The following UTRN variants were observed in gnomAD, a reference collection of about 807,000 sequenced individuals.
UTRN encodes utrophin.
A neutral mutation model predicts 463.9 loss-of-function variants in UTRN; 283 were observed. The ratio of observed to expected loss-of-function variants is 0.61; its 90% CI spans 0.55 to 0.67. UTRN has a LOEUF of 0.67. Among genes scored for constraint, UTRN ranks in the 30% least tolerant of loss-of-function variants. UTRN has a pLI of 0.00. For synonymous variants in UTRN, 1,442 were observed against 1,431.5 expected (o/e 1.01, Z -0.17); for missense variants, 3,922 against 4,084.3 (o/e 0.96, Z 1.08).
At chr6:144,377,099 G>T (rs1007358064) in intron 2 of UTRN, among the ~76,000 whole-genome samples, 6 of 152,138 alleles carry the variant, frequency 3.9e-5, no homozygotes, top group African/African-American at 1.4e-4. Flanking sequence ...GTGCAATGGT[G>T]TGATCTCAGC....
At chr6:144,526,219 T>G (rs1455166398) in intron 41 of UTRN, among the ~76,000 whole-genome samples, 4 of 152,236 alleles carry the variant, frequency 2.6e-5, no homozygotes, top group Non-Finnish European at 5.9e-5. Flanking sequence ...GGGTATAGTT[T>G]AATTCCATTG....
intron 53 of UTRN, among the ~76,000 whole-genome samples, chr6:144,721,569 A>G (rs1253133572): frequency 2.0e-5 from 3 of 152,138 alleles, no homozygotes; most frequent in East Asian, 1.9e-4. Flanking sequence ...ATGCTGGTCT[A>G]TTGCTTGGAG....
intron 2 of UTRN, among the ~76,000 whole-genome samples, chr6:144,312,359 G>A (rs1177113021): frequency 6.6e-6 from 1 of 151,338 alleles, no homozygotes; most frequent in African/African-American, 2.4e-5. Flanking sequence ...AGGAGGCGGA[G>A]CTTGCAGTGA....
chr6:144,617,686 A>G (rs963626819), intron 51 of UTRN, among the ~76,000 whole-genome samples: 4 of 152,128 alleles, frequency 2.6e-5, no homozygotes, highest in Admixed American at 2.0e-4. Flanking sequence ...GTTGAGGTGG[A>G]CTTCTCTTTA....
At chr6:144,576,949 A>G (rs1801496994) in intron 50 of UTRN, 150 bp from the exon 51 acceptor site, 2 of 639,876 alleles carry the variant, frequency 3.1e-6, no homozygotes, top group Non-Finnish European at 5.3e-6. Flanking sequence ...TTCAAGACAC[A>G]CATACAGATA....
chr6:144,831,484 G>A (rs1349384068), intron 69 of UTRN, among the ~76,000 whole-genome samples: 2 of 152,092 alleles, frequency 1.3e-5, no homozygotes, highest in Non-Finnish European at 2.9e-5. Context: ...AATCTCCTAT[G>A]AACCCTAGGA....
At chr6:144,559,819 C>T (rs938263537) in intron 50 of UTRN, among the ~76,000 whole-genome samples, 1 of 152,084 alleles carries the variant, frequency 6.6e-6, no homozygotes, top group Non-Finnish European at 1.5e-5. Context: ...CCATTTATTA[C>T]CTGTGTTGAG....
At chr6:144,416,942 G>GA (rs1190669325) in intron 3 of UTRN, among the ~76,000 whole-genome samples, 1 of 152,156 alleles carries the variant, frequency 6.6e-6, no homozygotes, top group Non-Finnish European at 1.5e-5. Flanking sequence ...AGAAGTCTCT[G>GA]CAAATGAGTC....
intron 2 of UTRN, among the ~76,000 whole-genome samples, chr6:144,363,004 T>C (rs1779208274): frequency 6.6e-6 from 1 of 152,218 alleles, no homozygotes. Flanking sequence ...AAAAATATTT[T>C]TAATTTTTTG....
At chr6:144,444,100 A>C (rs750184903) in intron 13 of UTRN, among the ~76,000 whole-genome samples, 181 bp from the exon 14 acceptor site, 6 of 152,200 alleles carry the variant, frequency 3.9e-5, no homozygotes, top group Non-Finnish European at 7.3e-5. Context: ...TATGGAAATT[A>C]GTTTTTCTGA....
intron 23 of UTRN, among the ~76,000 whole-genome samples, chr6:144,470,359 G>T (rs906555268): frequency 6.6e-6 from 1 of 151,256 alleles, no homozygotes; most frequent in Non-Finnish European, 1.5e-5. Flanking sequence ...GGTGGCTGCC[G>T]GGCGGAGGGG....
Position 144,523,036 on chromosome 6 carries a change from C to G in UTRN, c.5754C>G (p.Asp1918Glu), listed in dbSNP as rs774055080. 9.3e-6 allele frequency: 15 copies of G among 1,604,528 alleles called. No individual in the cohort carries two copies. The highest frequency in any genetic ancestry group is 1.2e-5 in the Non-Finnish European group (14 of 1,176,898). The part of the protein sequence containing the change: ...DSLKNIKDQL[D>E]KLGEQIAVIH... ...TTTAGAATATCAAAGACCAACTGGACAAACTTGGAGAGCAGATTGCAGTCA... is the reference window on the plus strand; with the variant it reads ...TTTAGAATATCAAAGACCAACTGGAGAAACTTGGAGAGCAGATTGCAGTCA... Residue 1918 changes from aspartate to glutamate, a missense_variant, in exon 41 of 75, where the codon GAC becomes GAG. By Grantham distance (45) the Asp-to-Glu change is conservative. Around this residue, in one of 3 missense-constraint regions of UTRN, gnomAD observed 2,349 missense variants for 2,303.8 expected, o/e 1.02. Coordinates refer to ENST00000367545, the MANE Select transcript of UTRN (RefSeq NM_007124.3).
At chr6:144,833,441 CTTT>C (rs1022044215) in intron 69 of UTRN, among the ~76,000 whole-genome samples, 1 of 152,120 alleles carries the variant, frequency 6.6e-6, no homozygotes, top group African/African-American at 2.4e-5. Context: ...GATACTTTAT[CTTT>C]AAAATACAGA....
intron 50 of UTRN, among the ~76,000 whole-genome samples, chr6:144,562,374 A>G (rs962064722): frequency 2.0e-5 from 3 of 151,920 alleles, no homozygotes; most frequent in African/African-American, 7.3e-5. Context: ...CCCTTCCTAC[A>G]GGCCCCAGTG....
At chr6:144,309,515 C>G (rs1023493418) in intron 2 of UTRN, among the ~76,000 whole-genome samples, 2 of 152,188 alleles carry the variant, frequency 1.3e-5, no homozygotes, top group Admixed American at 1.3e-4. Context: ...CTTTCTTTCT[C>G]GTATACCCAC....
chr6:144,654,629 GC>G (rs1779144433), intron 51 of UTRN, among the ~76,000 whole-genome samples: 1 of 152,174 alleles, frequency 6.6e-6, no homozygotes, highest in Non-Finnish European at 1.5e-5. Context: ...TTTTCCCAGA[GC>G]CCTGTGGATT....
chr6:144,614,810 A>G (rs1805903898), intron 51 of UTRN, among the ~76,000 whole-genome samples: 1 of 152,166 alleles, frequency 6.6e-6, no homozygotes, highest in Admixed American at 6.6e-5. Flanking sequence ...AGGGTTAGAA[A>G]TATAGGCTTT....
rs568142260 is a variant in UTRN, at chr6:144,793,715, AT to A, written c.8921-117del. The stretch of plus-strand genomic sequence containing the variant: ...TGGAATTCAGGAGACAACGAATCAG[AT>A]TCATGTCCTTCTGAAATTTTTTTAA... On this transcript the variant is annotated intron_variant, in intron 62 of 74. Transcript: ENST00000367545. The A allele has an allele frequency of 1.4e-4, 171 of 1,251,662 alleles. 1 individual carries two copies. The South Asian group carries it at 2.3e-3, about 17-fold the overall frequency. The allele number at this position is 1,251,662 out of a possible 1,614,324, so 77.5% of individuals were successfully genotyped here.
intron 66 of UTRN, among the ~76,000 whole-genome samples, chr6:144,821,243 T>C (rs1779574052): frequency 6.6e-6 from 1 of 152,196 alleles, no homozygotes; most frequent in Non-Finnish European, 1.5e-5. Context: ...ATTTTAAAAA[T>C]ATGTATTAAT....
Sources: allele counts gnomAD v4.1 joint callset (sites outside exome capture counted in the v4.1 genomes callset), GRCh38; gene constraint gnomAD v4.1.1; regional missense constraint gnomAD v4.1.1; transcripts MANE v1.5; gene names NCBI Gene and HGNC (gene_info 2026-07-23, HGNC 2026-07-21).